The following EPB41L2 variants were observed in gnomAD, a reference collection of about 807,000 sequenced individuals.
EPB41L2 encodes the protein erythrocyte membrane protein band 4.1 like 2.
In EPB41L2, 43 loss-of-function variants were observed where a neutral mutation model predicts 113.0. The ratio of observed to expected loss-of-function variants is 0.38; its 90% confidence interval spans 0.30 to 0.49. EPB41L2 has a LOEUF of 0.49. Among genes scored for constraint, EPB41L2 ranks in the 20% least tolerant of loss-of-function variants. EPB41L2 has a pLI of 0.95. For missense variants in EPB41L2, 1,147 were observed against 1,223.4 expected (o/e 0.94, Z 0.93); for synonymous variants, 442 against 436.7 (o/e 1.01, Z -0.15).
intron 4 of EPB41L2, 58 bp downstream of exon 4, chr6:130,926,547 G>A (rs1804802218): frequency 8.1e-7 from 1 of 1,239,964 alleles, no homozygotes; most frequent in Non-Finnish European, 1.2e-6. Flanking sequence ...AGATAAACTG[G>A]TTAATAAAAA....
intron 17 of EPB41L2, among the ~76,000 whole-genome samples, chr6:130,864,121 G>A (rs111331403): frequency 6.6e-6 from 1 of 152,148 alleles, no homozygotes; most frequent in African/African-American, 2.4e-5. Context: ...GGAGAGTAGG[G>A]AGAAATCAGT....
At chr6:130,952,622 G>A (rs749470915) in intron 3 of EPB41L2, among the ~76,000 whole-genome samples, 115 of 152,078 alleles carry the variant, frequency 7.6e-4, no homozygotes, top group Non-Finnish European at 1.5e-3. Context: ...AGACCATCCT[G>A]GCCATGGTGG....
chr6:130,972,614 C>CT (rs1220802059), intron 1 of EPB41L2, among the ~76,000 whole-genome samples: 3 of 151,674 alleles, frequency 2.0e-5, no homozygotes, highest in Non-Finnish European at 4.4e-5. Context: ...TATAAGTGCA[C>CT]TTGTGCATTT....
At position 130,863,752 on chromosome 6, in the gene EPB41L2, C is replaced by T. The variant is rs375085722; in HGVS notation, c.2830-34G>A. 2.9e-5 allele frequency: 43 copies of T among 1,494,510 alleles called. No homozygotes were observed. In the South Asian group the frequency reaches 4.6e-4, roughly 16 times the overall value. 92.6% of individuals were successfully genotyped at this position (1,494,510 alleles called of 1,614,324 possible). ...CATAAAGGAGAAGAAGAAAAAACAG[C>T]AATCACTGAAGCACGTTTACACAGT... On this transcript the variant is annotated intron_variant, in intron 17 of 19. Coordinates refer to ENST00000337057, the MANE Select transcript of EPB41L2 (RefSeq NM_001431.4).
chr6:131,052,474 A>G (rs914832401), intron 1 of EPB41L2, among the ~76,000 whole-genome samples: 2 of 152,238 alleles, frequency 1.3e-5, no homozygotes, highest in African/African-American at 2.4e-5. Flanking sequence ...CCAAAAGATT[A>G]TATCATGTTT....
At chr6:131,051,841 G>A (rs1796626146) in intron 1 of EPB41L2, among the ~76,000 whole-genome samples, 1 of 152,086 alleles carries the variant, frequency 6.6e-6, no homozygotes, top group Admixed American at 6.6e-5. Context: ...AGACATGCAA[G>A]CCTCAAGAAA....
intron 1 of EPB41L2, among the ~76,000 whole-genome samples, chr6:131,030,397 GC>G (rs1260448037): frequency 6.6e-6 from 1 of 152,204 alleles, no homozygotes; most frequent in African/African-American, 2.4e-5. Context: ...TGACTAAATA[GC>G]CAGGACCTGG....
Position 130,864,959 on chromosome 6 carries a change from T to C in EPB41L2, c.2829+577A>G, listed in dbSNP as rs147272565. ...AATCACTGGAAGCTTCTTAAGACAA[T>C]TCTAAGGTTTCAGGAGGACTGGAGT... is the stretch of plus-strand genomic sequence containing the variant. On this transcript the variant is annotated intron_variant, in intron 17 of 19. Transcript: ENST00000337057. 1.6e-3 allele frequency among the ~76,000 whole-genome samples: 247 copies of C among 152,286 alleles called. 1 individual carries two copies. Among genetic ancestry groups the C allele is most frequent in the African/African-American group, 5.6e-3 (233 of 41,546 alleles).
chr6:130,876,691 C>G (rs764577421), intron 14 of EPB41L2: 1 of 1,303,884 alleles, frequency 7.7e-7, no homozygotes, highest in Non-Finnish European at 1.0e-6. Flanking sequence ...GTCTCCTGAG[C>G]TTTTTCTTCA....
intron 18 of EPB41L2, among the ~76,000 whole-genome samples, chr6:130,858,779 G>A (rs764278219): frequency 5.9e-5 from 9 of 152,228 alleles, no homozygotes; most frequent in Non-Finnish European, 1.3e-4. Flanking sequence ...AATGTTTGCT[G>A]AACTAAAAGA....
intron 3 of EPB41L2, among the ~76,000 whole-genome samples, chr6:130,938,675 A>C (rs1342296738): frequency 6.6e-6 from 1 of 152,136 alleles, no homozygotes; most frequent in Non-Finnish European, 1.5e-5. Context: ...CTCCCACCCC[A>C]AAATGCCTTT....
chr6:130,958,468 C>CAAAAAAAAAAAAAAAAAAAA (rs200548809), intron 1 of EPB41L2, among the ~76,000 whole-genome samples: 8 of 113,862 alleles, frequency 7.0e-5, no homozygotes, highest in South Asian at 3.0e-4. Flanking sequence ...ACAACAACAA[C>CAAAAAAAAAAAAAAAAAAAA]AAAAAAAAAA....
rs1783396090 is a variant in EPB41L2 at position 130,997,441 on chromosome 6, T to C, written c.-14-40942A>G. ...TCAACCATCTGAGGTCACATCTAAG[T>C]GCAGGGGGGATCTACTTTCAGACCA... On this transcript the variant is annotated intron_variant, in intron 1 of 19. Coordinates refer to ENST00000337057, the MANE Select transcript of EPB41L2 (RefSeq NM_001431.4). Among the ~76,000 whole-genome samples, 3 of 152,046 alleles carry C rather than the reference T, an allele frequency of 2.0e-5. No homozygotes were observed. The East Asian group carries it at 5.8e-4, about 29-fold the overall frequency.
intron 14 of EPB41L2, chr6:130,870,498 C>A (rs1245861202): frequency 1.8e-6 from 2 of 1,115,904 alleles, no homozygotes; most frequent in African/African-American, 1.6e-5. Flanking sequence ...TCTACAGAAA[C>A]CTCTGCTCAA....
intron 3 of EPB41L2, among the ~76,000 whole-genome samples, chr6:130,949,736 C>T (rs990695544): frequency 1.3e-5 from 2 of 151,894 alleles, no homozygotes; most frequent in African/African-American, 4.8e-5. Flanking sequence ...TGCATGGATC[C>T]ACTTACACCT....
rs779942444 is a variant in EPB41L2 at position 130,867,659 on chromosome 6, TAGTA to T, written c.2608-82_2608-79del. On this transcript the variant is annotated intron_variant, in intron 15 of 19. Coordinates refer to ENST00000337057, the MANE Select transcript of EPB41L2 (RefSeq NM_001431.4). ...TGTTTAATGGAACCTTCACAAATAA[TAGTA>T]AGAAACATATCCAAACACACACTCA... The T allele has an allele frequency of 3.3e-6, 5 of 1,533,220 alleles. No individual in the cohort carries two copies. In the African/African-American group the frequency reaches 6.9e-5, roughly 21 times the overall value. The allele number at this position is 1,533,220 out of a possible 1,614,324, so 95.0% of individuals were successfully genotyped here.
intron 4 of EPB41L2, among the ~76,000 whole-genome samples, chr6:130,926,017 T>C (rs1022116797): frequency 2.6e-5 from 4 of 152,200 alleles, no homozygotes; most frequent in African/African-American, 7.2e-5. Context: ...TGTAGGCAAA[T>C]AAAATTCACA....
intron 4 of EPB41L2, among the ~76,000 whole-genome samples, chr6:130,909,564 G>C (rs1188854734): frequency 1.3e-5 from 2 of 152,142 alleles, no homozygotes; most frequent in Non-Finnish European, 2.9e-5. Context: ...ACAAATAAAG[G>C]GTATTCAAAT....
intron 14 of EPB41L2, chr6:130,876,530 G>C (rs1787608374): frequency 5.8e-6 from 2 of 345,368 alleles, no homozygotes; most frequent in Non-Finnish European, 1.1e-5. Context: ...TATACACAGG[G>C]GATTTAACTT....
Sources: allele counts gnomAD v4.1 joint callset (sites outside exome capture counted in the v4.1 genomes callset), GRCh38; gene constraint gnomAD v4.1.1; transcripts MANE v1.5; gene names NCBI Gene and HGNC (gene_info 2026-07-23, HGNC 2026-07-21).